RPS7: variants seen among roughly 807,000 people sequenced by gnomAD.
RPS7 encodes small ribosomal subunit protein eS7.
A neutral mutation model predicts 22.1 loss-of-function variants in RPS7; 1 was observed. That is an observed-to-expected ratio of 0.05 (90% CI 0.02 to 0.21). The LOEUF (loss-of-function observed/expected upper bound fraction) is 0.21, where lower values mean the gene tolerates loss of function less well. Ranked by LOEUF, RPS7 falls within the 10% of genes least tolerant of loss-of-function variation. The pLI, the probability that RPS7 is intolerant of heterozygous loss-of-function variation, is 1.00. For missense variants in RPS7, 137 were observed against 246.4 expected (o/e 0.56, Z 2.97); for synonymous variants, 80 against 92.0 (o/e 0.87, Z 0.74).
chr2:3,577,470 G>A, intron 4 of RPS7: 1 of 554,810 alleles, frequency 1.8e-6, no homozygotes, highest in South Asian at 2.1e-5. Context: ...GCGTATCTGG[G>A]AGATTTTGTC....
intron 6 of RPS7, 115 bp downstream of exon 6, chr2:3,580,375 C>G (rs1406968484): frequency 1.1e-6 from 1 of 894,170 alleles, no homozygotes; most frequent in Non-Finnish European, 1.8e-6. Flanking sequence ...AGGACTAGTT[C>G]TTTTACCCGC....
At position 3,577,711 on chromosome 2, in the gene RPS7, G is replaced by A; in HGVS notation, c.293G>A (p.Arg98Lys). 6.2e-7 allele frequency: 1 copy of A among 1,609,064 alleles called. No individual in the cohort carries two copies. Among genetic ancestry groups the A allele is most frequent in the Non-Finnish European group, 8.5e-7 (1 of 1,175,920 alleles). ...SGKHVVFIAQ[R>K]RILPKPTRKS... is the part of the protein sequence containing the mutation. ...TACATGATAATTTTTACCTTACAGA[G>A]GAGAATTCTGCCTAAGCCAACTCGA... Residue 98 changes from arginine (R) to lysine (K), a missense_variant and splice_region_variant, in exon 5 of 7, where the codon AGG (arginine) becomes AAG (lysine). Arg to Lys is a conservative substitution (Grantham distance 26). Coordinates refer to ENST00000645674, the MANE Select transcript of RPS7 (RefSeq NM_001011.4).
intron 6 of RPS7, 22 bp downstream of exon 6, chr2:3,580,282 A>C (rs567827920): frequency 6.2e-7 from 1 of 1,611,636 alleles, no homozygotes; most frequent in East Asian, 2.2e-5. Context: ...ACATTTTATC[A>C]TGGAAAGGTT....
At chr2:3,575,557 C>A in intron 1 of RPS7, 35 bp from the exon 2 acceptor site, 1 of 1,508,360 alleles carries the variant, frequency 6.6e-7, no homozygotes, top group Non-Finnish European at 9.2e-7. Flanking sequence ...GCGCCTGCAG[C>A]CCGGGCCGCG....
chr2:3,577,566 A>G (rs556627772), intron 4 of RPS7, 144 bp from the exon 5 acceptor site: 36 of 670,620 alleles, frequency 5.4e-5, no homozygotes, highest in Middle Eastern at 8.0e-4. Context: ...TGCTCAGTCA[A>G]TTGTTCGTCT....
chr2:3,576,434 A>C (rs993456215), intron 3 of RPS7, 53 bp from the exon 4 acceptor site: 135 of 1,534,404 alleles, frequency 8.8e-5, no homozygotes, highest in Non-Finnish European at 1.2e-4. Context: ...ATTTGACCAC[A>C]ACGTTTACTT....
chr2:3,578,078 C>T (rs866345076), intron 5 of RPS7: 4 of 337,284 alleles, frequency 1.2e-5, no homozygotes, highest in Middle Eastern at 9.1e-4. Context: ...TGTGATATAG[C>T]ATGCTAGACA....
intron 5 of RPS7, chr2:3,579,281 T>TG (rs1661349586): frequency 6.6e-6 from 1 of 152,260 alleles, no homozygotes; most frequent in Non-Finnish European, 1.5e-5. Context: ...TTTTGGGAAA[T>TG]GGACTTTGTT....
chr2:3,580,132 G>A lies in RPS7; in HGVS notation c.379G>A (p.Asp127Asn), dbSNP rs754211609. ...PRSRTLTAVH[D>N]AILEDLVFPS... is the part of the protein sequence containing the mutation. ...TAGCCGTACTCTGACAGCTGTGCAC[G>A]ATGCCATCCTTGAGGACTTGGTCTT... The change falls in exon 6 of 7, where the codon GAT becomes AAT. Residue 127 changes from aspartate (D) to asparagine (N), a missense_variant. Physicochemically the swap from Asp to Asn is conservative, Grantham distance 23. Coordinates refer to ENST00000645674, the MANE Select transcript of RPS7 (RefSeq NM_001011.4). 4.3e-6 allele frequency: 7 copies of A among 1,613,694 alleles called. No homozygotes were observed. In the South Asian group the frequency reaches 5.5e-5, roughly 13 times the overall value.
intron 5 of RPS7, chr2:3,579,562 T>A (rs547991935): frequency 5.7e-6 from 1 of 174,482 alleles, no homozygotes; most frequent in East Asian, 1.5e-4. Context: ...TGCAATTAAT[T>A]GAAACTTCTC....
chr2:3,576,182 G>C, intron 3 of RPS7: 2 of 590,452 alleles, frequency 3.4e-6, no homozygotes, highest in Non-Finnish European at 6.0e-6. Flanking sequence ...ATACGGCAAA[G>C]AGCTGTGGGG....
chr2:3,577,052 C>A (rs904163700), intron 4 of RPS7: 1 of 273,498 alleles, frequency 3.7e-6, no homozygotes, highest in East Asian at 9.8e-5. Context: ...AAACCTGTTA[C>A]AGGCCGGGCC....
rs535136686 is a variant in RPS7 at position 3,580,053 on chromosome 2, G to A, written c.357-57G>A. 1.2e-5 allele frequency: 19 copies of A among 1,552,700 alleles called. No individual in the cohort carries two copies. The African/African-American group carries it at 2.6e-4, about 21-fold the overall frequency. ...TTTTGACTTAAAGAGGTGCCCTCTG[G>A]AGTTGCCCAGAGGGCAGGCGTTGCT... is the stretch of plus-strand genomic sequence containing the variant. On this transcript the variant is annotated intron_variant, in intron 5 of 6. Transcript: ENST00000645674.
chr2:3,576,670 T>G (rs756388866), intron 4 of RPS7, 40 bp downstream of exon 4: 2 of 1,613,022 alleles, frequency 1.2e-6, no homozygotes, highest in Non-Finnish European at 1.7e-6. Flanking sequence ...TGTTTGTGAA[T>G]TTTGCTAAAA....
intron 4 of RPS7, 41 bp downstream of exon 4, chr2:3,576,671 T>A (rs777830053): frequency 9.9e-6 from 16 of 1,611,608 alleles, no homozygotes. Context: ...GTTTGTGAAT[T>A]TTGCTAAAAT....
chr2:3,576,775 C>A, intron 4 of RPS7, 145 bp downstream of exon 4: 1 of 1,069,336 alleles, frequency 9.4e-7, no homozygotes, highest in Non-Finnish European at 1.5e-6. Context: ...GGCAGAGCGC[C>A]GTGGCTTAGG....
In RPS7 at chr2:3,580,158, C is replaced by T. The variant is rs149082052; in HGVS notation, c.405C>T (p.Phe135=). Residue 135 remains phenylalanine, a synonymous_variant, in exon 6 of 7, where the codon TTC becomes TTT. Transcript: ENST00000645674. The part of the protein sequence containing the change: ...VHDAILEDLV[F]PSEIVGKRIR... ...ATGCCATCCTTGAGGACTTGGTCTT[C>T]CCAAGCGAAATTGTGGGCAAGAGAA... 18 of 1,613,446 alleles carry T rather than the reference C, an allele frequency of 1.1e-5. No homozygotes were observed. In the African/African-American group the frequency reaches 1.6e-4, roughly 14 times the overall value.
At chr2:3,579,391 G>C (rs1374432470) in intron 5 of RPS7, 2 of 152,598 alleles carry the variant, frequency 1.3e-5, no homozygotes, top group African/African-American at 4.8e-5. Flanking sequence ...CTGCCAGATA[G>C]GAAATCCAAA....
chr2:3,578,449 T>A (rs1050473929), intron 5 of RPS7: 5 of 152,270 alleles, frequency 3.3e-5, no homozygotes, highest in African/African-American at 1.2e-4. Flanking sequence ...ATTGTTACTC[T>A]CAGTGGATGA....
Sources: allele counts gnomAD v4.1 joint callset, GRCh38; gene constraint gnomAD v4.1.1; transcripts MANE v1.5; gene names NCBI Gene and HGNC (gene_info 2026-07-23, HGNC 2026-07-21).